TACC2: variants seen among roughly 807,000 people sequenced by gnomAD.
The protein encoded by TACC2 is transforming acidic coiled-coil-containing protein 2.
TACC2 carries 137 observed loss-of-function variants against 227.3 expected under a neutral mutation model. That is an observed-to-expected ratio of 0.60 (90% CI 0.52 to 0.69). The LOEUF is 0.69. Among genes scored for constraint, TACC2 ranks in the 30% least tolerant of loss-of-function variants. The pLI, the probability that TACC2 is intolerant of heterozygous loss-of-function variation, is 0.00. For synonymous variants in TACC2, 1,523 were observed against 1,487.5 expected, an observed-to-expected ratio of 1.02 and a Z score of -0.55; for missense variants, 3,470 against 3,694.4, an observed-to-expected ratio of 0.94 and a Z score of 1.57.
chr10:122,216,614 C>A lies in TACC2; in HGVS notation c.7345-13C>A. ...TCTGATGAGACAAGAAACAGTTTCT[C>A]TTCTCTTTGCAGGACCCCACCCCAG... On this transcript the variant is annotated splice_polypyrimidine_tract_variant and intron_variant, in intron 10 of 22. Transcript: ENST00000369005. 6.2e-7 allele frequency: 1 copy of A among 1,611,494 alleles called. No individual in the cohort carries two copies. The highest frequency in any genetic ancestry group is 8.5e-7 in the Non-Finnish European group (1 of 1,178,704).
At chr10:122,028,084 CTTTTTTTT>C (rs59135261) in intron 2 of TACC2, among the ~76,000 whole-genome samples, 3 of 91,744 alleles carry the variant, frequency 3.3e-5, no homozygotes, top group African/African-American at 4.8e-5. Flanking sequence ...TTCTTTCTTT[CTTTTTTTT>C]TTTTTTTTTT....
rs191035646 is a variant in TACC2 at position 122,096,665 on chromosome 10, C to T, written c.5573+8074C>T. ...GAACTGAGATCGCGCCATTGCACTC[C>T]AGCCTGGGCGACAGAGCAAAACTCC... On this transcript the variant is annotated intron_variant, in intron 5 of 22. Coordinates refer to ENST00000369005, the MANE Select transcript of TACC2 (RefSeq NM_206862.4). Among the ~76,000 whole-genome samples the T allele has an allele frequency of 7.5e-3, 1,093 of 146,228 alleles. 9 individuals are homozygous for T. The highest frequency in any genetic ancestry group is 0.012 in the Non-Finnish European group (839 of 67,218).
intron 19 of TACC2, 79 bp from the exon 20 acceptor site, chr10:122,248,564 T>G (rs1004720778): frequency 8.9e-6 from 14 of 1,566,562 alleles, no homozygotes; most frequent in Non-Finnish European, 1.2e-5. Flanking sequence ...CTGAGTTGCA[T>G]CTGAGGCCTC....
rs750751342 is a variant in TACC2, at chr10:122,082,686, T to A, written c.186T>A (p.Ser62=). 6.2e-7 allele frequency: 1 copy of A among 1,613,942 alleles called. No homozygotes were observed. Among genetic ancestry groups the A allele is most frequent in the East Asian group, 2.2e-5 (1 of 44,876 alleles). ...GGCTTGGAGGCTTCTGCACCGCTTC[T>A]GAGAGTTCTGCCAGCCTGGATCCAT... ...SVGLGGFCTA[S]ESSASLDPCL... is the part of the protein sequence containing the mutation. The change falls in exon 4 of 23, where the codon TCT becomes TCA. Residue 62 remains serine (S), a synonymous_variant. Coordinates refer to ENST00000369005, the MANE Select transcript of TACC2 (RefSeq NM_206862.4).
At chr10:122,142,474 G>T (rs1393785647) in intron 6 of TACC2, among the ~76,000 whole-genome samples, 1 of 152,232 alleles carries the variant, frequency 6.6e-6, no homozygotes, top group Non-Finnish European at 1.5e-5. Flanking sequence ...CCTCTGTCCA[G>T]TGTACAGTGT....
chr10:122,231,648 C>A (rs2095752409), intron 16 of TACC2, among the ~76,000 whole-genome samples: 1 of 152,212 alleles, frequency 6.6e-6, no homozygotes, highest in Non-Finnish European at 1.5e-5. Flanking sequence ...AGTGATTCAC[C>A]AGCCTGTTGG....
chr10:122,029,733 G>C (rs1251659155), intron 2 of TACC2, among the ~76,000 whole-genome samples: 1 of 152,096 alleles, frequency 6.6e-6, no homozygotes, highest in Non-Finnish European at 1.5e-5. Context: ...CATAGCTATC[G>C]GGTGAGCGCC....
In TACC2 at chr10:122,230,433, A is replaced by T. The variant is rs1589779626; in HGVS notation, c.8120A>T (p.Asp2707Val). The change falls in exon 16 of 23, where the codon GAT becomes GTT. Residue 2707 changes from aspartate to valine, a missense_variant. Transcript: ENST00000369005. ...QIALASRSHQ[D>V]AKREAAHPTD... ...GCTTTGGCTTCCCGCAGCCACCAGG[A>T]TGCCAAGGTACCGGTTTGCTGCTGC... 6.2e-7 allele frequency: 1 copy of T among 1,614,152 alleles called. No individual in the cohort carries two copies.
intron 3 of TACC2, among the ~76,000 whole-genome samples, chr10:122,054,009 T>C (rs147728975): frequency 0.017 from 2,558 of 152,286 alleles, 29 homozygotes; most frequent in African/African-American, 0.027. Context: ...GTCCCTCTGC[T>C]CAGGCATCAT....
At chr10:122,005,854 C>T (rs1955055439) in intron 1 of TACC2, among the ~76,000 whole-genome samples, 1 of 151,938 alleles carries the variant, frequency 6.6e-6, no homozygotes, top group South Asian at 2.1e-4. Flanking sequence ...CCACCATGCC[C>T]AGCTAATTTT....
intron 14 of TACC2, 22 bp downstream of exon 14, chr10:122,228,030 C>A: frequency 6.2e-7 from 1 of 1,607,332 alleles, no homozygotes; most frequent in South Asian, 1.1e-5. Flanking sequence ...TGGAGGGCCC[C>A]AGATCACAGG....
At chr10:122,003,911 C>T (rs1450266852) in intron 1 of TACC2, among the ~76,000 whole-genome samples, 1 of 152,060 alleles carries the variant, frequency 6.6e-6, no homozygotes, top group Non-Finnish European at 1.5e-5. Flanking sequence ...CTGCCTCAGC[C>T]TCCCAAAGTG....
intron 8 of TACC2, among the ~76,000 whole-genome samples, chr10:122,200,356 C>T (rs1000721882): frequency 2.0e-5 from 3 of 151,780 alleles, no homozygotes; most frequent in South Asian, 2.1e-4. Flanking sequence ...GAGAGGATGG[C>T]GACCTCACCT....
intron 8 of TACC2, among the ~76,000 whole-genome samples, chr10:122,198,112 A>G (rs1429759453): frequency 6.6e-6 from 1 of 152,230 alleles, no homozygotes; most frequent in Non-Finnish European, 1.5e-5. Context: ...CTGGCAACCT[A>G]CATTTTATAA....
At chr10:122,010,792 CAGTT>C (rs975545354) in intron 1 of TACC2, among the ~76,000 whole-genome samples, 2 of 152,226 alleles carry the variant, frequency 1.3e-5, no homozygotes, top group African/African-American at 4.8e-5. Flanking sequence ...GAAATCTTAT[CAGTT>C]AGCTTTTGCA....
chr10:122,088,990 C>T (rs926616797), intron 5 of TACC2, among the ~76,000 whole-genome samples: 7 of 152,084 alleles, frequency 4.6e-5, no homozygotes, highest in African/African-American at 1.7e-4. Context: ...TGGCACGTGT[C>T]TGTAGTCCCA....
In TACC2 at chr10:122,002,701, C is replaced by A. The variant is rs183303053; in HGVS notation, c.-46+13213C>A. Reference sequence around the variant, plus strand: ...TTAAGTGTTGTAACTTTAGTGGTGTCATTTCTGGCAATCCTCATTTCACTA... The same window carrying A: ...TTAAGTGTTGTAACTTTAGTGGTGTAATTTCTGGCAATCCTCATTTCACTA... On this transcript the variant is annotated intron_variant, in intron 1 of 22. Transcript: ENST00000369005. Among the ~76,000 whole-genome samples, 7 of 152,232 alleles carry A rather than the reference C, an allele frequency of 4.6e-5. No individual in the cohort carries two copies. The East Asian group carries it at 1.4e-3, about 29-fold the overall frequency.
chr10:122,231,289 G>A (rs182488591), intron 16 of TACC2, among the ~76,000 whole-genome samples: 7 of 152,222 alleles, frequency 4.6e-5, no homozygotes, highest in African/African-American at 1.4e-4. Context: ...GGGCGGCCTC[G>A]TTCCCACCCC....
intron 7 of TACC2, among the ~76,000 whole-genome samples, chr10:122,170,133 T>G (rs1304554110): frequency 6.6e-6 from 1 of 152,154 alleles, no homozygotes; most frequent in Non-Finnish European, 1.5e-5. Context: ...AGAACTCTGA[T>G]GACCATCTTC....
Sources: gnomAD v4.1 joint callset for allele counts (sites outside exome capture counted in the v4.1 genomes callset) on GRCh38, gnomAD v4.1.1 for gene constraint, MANE v1.5 for transcripts, NCBI Gene and HGNC (gene_info 2026-07-23, HGNC 2026-07-21) for gene names.